CUX1: variants seen among roughly 807,000 people sequenced by gnomAD.
The protein encoded by CUX1 is cut like homeobox 1, also known as protein CASP.
Under a neutral mutation model 158.8 loss-of-function variants are expected in CUX1, and 31 were observed. That is an observed-to-expected ratio of 0.20 (90% confidence interval 0.15 to 0.26). The LOEUF is 0.26. Among genes scored for constraint, CUX1 ranks in the 10% least tolerant of loss-of-function variants. CUX1 has a pLI of 1.00. For missense variants in CUX1, 1,589 were observed against 2,014.6 expected (o/e 0.79, Z 4.04); for synonymous variants, 879 against 862.1 (o/e 1.02, Z -0.34).
chr7:101,896,043 C>A (rs1381325738), intron 1 of CUX1, among the ~76,000 whole-genome samples: 1 of 151,732 alleles, frequency 6.6e-6, no homozygotes, highest in Non-Finnish European at 1.5e-5. Context: ...TGCACCACTG[C>A]ACTTGGCGTA....
At chr7:101,874,438 C>G (rs1481793666) in intron 1 of CUX1, among the ~76,000 whole-genome samples, 2 of 152,244 alleles carry the variant, frequency 1.3e-5, no homozygotes, top group African/African-American at 4.8e-5. Context: ...GAACTTTTCT[C>G]TAAACTCCAC....
chr7:101,964,354 A>G (rs547769907), intron 2 of CUX1, among the ~76,000 whole-genome samples: 8 of 152,128 alleles, frequency 5.3e-5, no homozygotes, highest in African/African-American at 1.7e-4. Context: ...CTCCATCTCA[A>G]AAAAAAGGTG....
rs1819028079 is a variant in CUX1 at position 102,019,113 on chromosome 7, C to T, written c.142-8985C>T. Among the ~76,000 whole-genome samples the T allele has an allele frequency of 2.6e-5, 4 of 152,186 alleles. 1 individual carries two copies. The South Asian group carries it at 8.3e-4, about 32-fold the overall frequency. On this transcript the variant is annotated intron_variant, in intron 2 of 23. Transcript: ENST00000292535. Reference sequence around the variant, plus strand: ...GTTCGAATCTGCCCTTCTTCTTAGTCCTTTGCACCATCCTCAGCCTTTATC... The same window carrying T: ...GTTCGAATCTGCCCTTCTTCTTAGTTCTTTGCACCATCCTCAGCCTTTATC...
intron 3 of CUX1, among the ~76,000 whole-genome samples, chr7:102,042,984 C>T (rs1215378128): frequency 6.6e-6 from 1 of 152,104 alleles, no homozygotes; most frequent in Admixed American, 6.6e-5. Context: ...AAGCCGAAGT[C>T]TGGCTGCGTT....
downstream of CUX1, among the ~76,000 whole-genome samples, chr7:102,259,547 C>T (rs1554543098): frequency 6.6e-6 from 1 of 152,096 alleles, no homozygotes; most frequent in Non-Finnish European, 1.5e-5. Context: ...GAGATTGTGC[C>T]ACTGCACTCC....
At chr7:102,264,599 C>T (rs1428268438) in intron 14 of CUX1, 1 of 152,396 alleles carries the variant, frequency 6.6e-6, no homozygotes, top group Non-Finnish European at 1.5e-5. Flanking sequence ...AGGGTCCTGG[C>T]TCTGGTGGGG....
chr7:102,001,281 T>G (rs1267823324), intron 2 of CUX1, among the ~76,000 whole-genome samples: 2 of 152,140 alleles, frequency 1.3e-5, no homozygotes, highest in African/African-American at 4.8e-5. Flanking sequence ...TTCCTCCCTC[T>G]CTTAACCAAA....
At chr7:102,141,789 A>T (rs1374356962) in intron 8 of CUX1, among the ~76,000 whole-genome samples, 1 of 102,578 alleles carries the variant, frequency 9.7e-6, no homozygotes. Context: ...CTCTCAGCTA[A>T]TTTTTTTTTT....
At chr7:101,866,867 G>A (rs866008721) in intron 1 of CUX1, among the ~76,000 whole-genome samples, 7 of 152,164 alleles carry the variant, frequency 4.6e-5, no homozygotes, top group South Asian at 4.1e-4. Flanking sequence ...CGGCGCCATG[G>A]CATATAGGAA....
In CUX1 at chr7:102,252,952, A is replaced by G. The variant is rs2529113; in HGVS notation, c.*3910A>G. 797,924 of 985,308 alleles carry G rather than the reference A, an allele frequency of 0.81. 323,378 individuals are homozygous for G. Among genetic ancestry groups the G allele is most frequent in the East Asian group, 0.98 (8,612 of 8,808 alleles). 61.0% of individuals were successfully genotyped at this position (985,308 alleles called of 1,614,324 possible). A position where few individuals can be genotyped will look rare whatever the true frequency, so the allele number is the denominator to read the frequency against. On this transcript the variant is annotated 3_prime_UTR_variant, in exon 24 of 24. Coordinates refer to ENST00000292535, the MANE Select transcript of CUX1 (RefSeq NM_181552.4). ...GGGGTGACAGCCCAGGGATGCATGC[A>G]TGGGAGAACTCTCTGAGAAATGCCA...
chr7:101,932,483 C>T (rs934808734), intron 2 of CUX1: 1 of 423,302 alleles, frequency 2.4e-6, no homozygotes. Flanking sequence ...CTTACGAGCG[C>T]AGCATTTTCA....
At chr7:102,046,569 A>ATGTTTTTTTTTTTTTTTTT (rs1822831258) in intron 3 of CUX1, among the ~76,000 whole-genome samples, 1 of 55,466 alleles carries the variant, frequency 1.8e-5, no homozygotes, top group African/African-American at 8.2e-5. Flanking sequence ...TTTGGTTTGG[A>ATGTTTTTTTTTTTTTTTTT]TTTTTTTTTT....
At chr7:101,816,147 C>T, upstream of CUX1, 1 of 1,084,630 alleles carries the variant, frequency 9.2e-7, no homozygotes, top group Non-Finnish European at 1.2e-6. Context: ...TGCGGGCGGT[C>T]GCGGCCTCCG....
At chr7:102,014,562 C>T (rs755172203) in intron 2 of CUX1, among the ~76,000 whole-genome samples, 5 of 152,120 alleles carry the variant, frequency 3.3e-5, no homozygotes, top group Admixed American at 1.3e-4. Context: ...GCTTCCTAGC[C>T]GCGTGCTGCT....
chr7:101,916,306 T>G lies in CUX1; in HGVS notation c.141+81T>G. 1 of 891,370 alleles carries G rather than the reference T, an allele frequency of 1.1e-6. No homozygotes were observed. Among genetic ancestry groups the G allele is most frequent in the Non-Finnish European group, 1.9e-6 (1 of 530,900 alleles). The allele number at this position is 891,370 out of a possible 1,614,324, so 55.2% of individuals were successfully genotyped here. On this transcript the variant is annotated intron_variant, in intron 2 of 23. Transcript: ENST00000292535. The surrounding 1 kb of genome is among the most constrained non-coding windows in gnomAD (Gnocchi z 4.4). Reference sequence around the variant, plus strand: ...GTTCAGGCGACGCTCCGTGAGCGTTTCATTTTCATCAGATGAACGCACGGC... The same window carrying G: ...GTTCAGGCGACGCTCCGTGAGCGTTGCATTTTCATCAGATGAACGCACGGC...
chr7:101,865,553 A>G (rs10215335), intron 1 of CUX1, among the ~76,000 whole-genome samples: 1,718 of 152,286 alleles, frequency 0.011, 32 homozygotes, highest in African/African-American at 0.04. Flanking sequence ...TTGTCAAATG[A>G]CAAGGGAGTC....
chr7:101,861,337 G>T (rs1797440428), intron 1 of CUX1, among the ~76,000 whole-genome samples: 1 of 152,232 alleles, frequency 6.6e-6, no homozygotes, highest in African/African-American at 2.4e-5. Flanking sequence ...ATTCTCTAAA[G>T]AACAGAGTCT....
chr7:102,043,095 C>T (rs756457305), intron 3 of CUX1, among the ~76,000 whole-genome samples: 3 of 152,012 alleles, frequency 2.0e-5, no homozygotes, highest in African/African-American at 7.2e-5. Flanking sequence ...GGACTGTGGA[C>T]GTGTGCCACC....
At chr7:101,878,038 A>T (rs1799339094) in intron 1 of CUX1, among the ~76,000 whole-genome samples, 1 of 152,128 alleles carries the variant, frequency 6.6e-6, no homozygotes, top group African/African-American at 2.4e-5. Context: ...CAGATTACCC[A>T]CACTTAGCAG....
Sources: gnomAD v4.1 joint callset for allele counts (sites outside exome capture counted in the v4.1 genomes callset) on GRCh38, gnomAD v4.1.1 for gene constraint, Gnocchi (gnomAD v3.1) non-coding constraint, MANE v1.5 for transcripts, NCBI Gene and HGNC (gene_info 2026-07-23, HGNC 2026-07-21) for gene names.